Variants in CDK14 observed in about 807,000 individuals in gnomAD.
CDK14 encodes cyclin dependent kinase 14.
A neutral mutation model predicts 60.7 loss-of-function variants in CDK14; 34 were observed. The observed-to-expected ratio is 0.56, with a 90% CI of 0.43 to 0.75. The LOEUF (loss-of-function observed/expected upper bound fraction) is 0.75, where lower values mean the gene tolerates loss of function less well. Ranked by LOEUF, CDK14 falls within the 30% of genes least tolerant of loss-of-function variation. The pLI, the probability that CDK14 is intolerant of heterozygous loss-of-function variation, is 0.00. For missense variants in CDK14, 482 were observed against 564.1 expected (o/e 0.85, Z 1.47); for synonymous variants, 197 against 203.7 (o/e 0.97, Z 0.28).
At chr7:90,734,665 C>G (rs979612616) in intron 3 of CDK14, among the ~76,000 whole-genome samples, 3 of 152,090 alleles carry the variant, frequency 2.0e-5, no homozygotes, top group African/African-American at 7.2e-5. Context: ...TCCATTAGTT[C>G]ATTTATATTC....
At chr7:90,648,222 G>T (rs1023162159) in intron 2 of CDK14, among the ~76,000 whole-genome samples, 1 of 152,052 alleles carries the variant, frequency 6.6e-6, no homozygotes, top group Non-Finnish European at 1.5e-5. Context: ...TGGGCCATGT[G>T]GTTCTGCTTG....
chr7:91,094,868 C>T lies in CDK14; in HGVS notation c.1154+15388C>T, dbSNP rs529001273. ...CACCCAACCCCACATCCACAACCCA[C>T]TTCTTCATAAACACCAATACTGGTG... On this transcript the variant is annotated intron_variant, in intron 12 of 14. Transcript: ENST00000380050. Among the ~76,000 whole-genome samples, 11 of 152,342 alleles carry T rather than the reference C, an allele frequency of 7.2e-5. No homozygotes were observed. In the South Asian group the frequency reaches 2.3e-3, roughly 32 times the overall value.
chr7:90,760,426 A>G (rs550227075), intron 4 of CDK14, among the ~76,000 whole-genome samples: 32 of 152,342 alleles, frequency 2.1e-4, no homozygotes, highest in African/African-American at 5.8e-4. Context: ...TGAAGCTGCA[A>G]TCTTAAGTGT....
At chr7:90,800,513 T>G (rs1428091634) in intron 5 of CDK14, among the ~76,000 whole-genome samples, 1 of 152,206 alleles carries the variant, frequency 6.6e-6, no homozygotes, top group African/African-American at 2.4e-5. Context: ...TGACTGATAC[T>G]TGATTCTCTA....
intron 6 of CDK14, 137 bp from the exon 7 acceptor site, chr7:90,899,154 A>G: frequency 5.1e-6 from 3 of 583,596 alleles, no homozygotes; most frequent in South Asian, 2.5e-5. Flanking sequence ...GCATGCCACT[A>G]CATACACTGA....
chr7:90,858,716 A>G (rs1214002924), intron 5 of CDK14, among the ~76,000 whole-genome samples: 1 of 152,144 alleles, frequency 6.6e-6, no homozygotes, highest in Non-Finnish European at 1.5e-5. Context: ...GTTTGAAATA[A>G]TGATCTCTGA....
chr7:90,624,338 ATTTC>A (rs1299185079), intron 2 of CDK14, among the ~76,000 whole-genome samples: 1 of 152,170 alleles, frequency 6.6e-6, no homozygotes, highest in Non-Finnish European at 1.5e-5. Context: ...AAAGGTAGTT[ATTTC>A]TTCTATTTCA....
At chr7:90,946,080 A>C (rs1794090240) in intron 8 of CDK14, among the ~76,000 whole-genome samples, 1 of 152,184 alleles carries the variant, frequency 6.6e-6, no homozygotes, top group African/African-American at 2.4e-5. Context: ...GAGTGGAGGC[A>C]GAATGAACAG....
intron 12 of CDK14, among the ~76,000 whole-genome samples, chr7:91,106,386 C>A (rs1799296280): frequency 6.6e-6 from 1 of 152,122 alleles, no homozygotes; most frequent in East Asian, 1.9e-4. Flanking sequence ...AATTTACCAT[C>A]AAATGATGCT....
At chr7:90,947,299 T>C (rs1794129378) in intron 8 of CDK14, among the ~76,000 whole-genome samples, 1 of 152,180 alleles carries the variant, frequency 6.6e-6, no homozygotes, top group African/African-American at 2.4e-5. Context: ...GGACTTTGGA[T>C]CTGCTGGTCT....
At chr7:90,731,283 G>T (rs767228610) in intron 3 of CDK14, among the ~76,000 whole-genome samples, 178 of 152,284 alleles carry the variant, frequency 1.2e-3, no homozygotes, top group Non-Finnish European at 2.6e-4. Context: ...AAGTCAGGTA[G>T]TGTGATGCCT....
At chr7:90,663,354 G>T (rs555186268) in intron 2 of CDK14, among the ~76,000 whole-genome samples, 4 of 152,114 alleles carry the variant, frequency 2.6e-5, no homozygotes, top group African/African-American at 7.2e-5. Context: ...GGAGGGTGTC[G>T]TAGATACTTA....
intron 3 of CDK14, among the ~76,000 whole-genome samples, chr7:90,740,165 C>T (rs532011981): frequency 1.2e-3 from 175 of 151,232 alleles, no homozygotes; most frequent in Non-Finnish European, 1.8e-3. Context: ...CTCCTCCCTT[C>T]TTCTCCTCCG....
chr7:90,753,087 T>C (rs1803912325), intron 4 of CDK14, among the ~76,000 whole-genome samples: 1 of 152,178 alleles, frequency 6.6e-6, no homozygotes, highest in South Asian at 2.1e-4. Flanking sequence ...GTATCAATTC[T>C]ACTGAAACTA....
At chr7:90,729,358 T>TTTTTTTTTTG (rs1802768871) in intron 3 of CDK14, among the ~76,000 whole-genome samples, 1 of 132,514 alleles carries the variant, frequency 7.5e-6, no homozygotes, top group Admixed American at 7.7e-5. Context: ...TTTTTTTTTT[T>TTTTTTTTTTG]TTTTTTTTTT....
At chr7:90,831,064 C>A (rs766182740) in intron 5 of CDK14, among the ~76,000 whole-genome samples, 1 of 152,198 alleles carries the variant, frequency 6.6e-6, no homozygotes, top group Non-Finnish European at 1.5e-5. Context: ...ACTGTTTCAG[C>A]CTCTGTCCAT....
At chr7:90,954,632 T>A (rs111916677) in intron 8 of CDK14, among the ~76,000 whole-genome samples, 5 of 2,396 alleles carry the variant, frequency 2.1e-3, no homozygotes, top group Non-Finnish European at 9.6e-3. Flanking sequence ...TTTTTTTTTT[T>A]TTTTTTTTTT....
At chr7:91,180,236 A>G (rs926061681) in intron 14 of CDK14, among the ~76,000 whole-genome samples, 1 of 152,224 alleles carries the variant, frequency 6.6e-6, no homozygotes, top group African/African-American at 2.4e-5. Context: ...ATGCTTTGCT[A>G]GGGATACAAA....
chr7:91,073,789 T>TA (rs58948486), intron 11 of CDK14, among the ~76,000 whole-genome samples: 150,858 of 151,042 alleles, frequency 1, 75,337 homozygotes, highest in Middle Eastern at 1. Flanking sequence ...TGGGCCAAAA[T>TA]AAGGGATGGA....
Sources: gnomAD v4.1 joint callset for allele counts (sites outside exome capture counted in the v4.1 genomes callset) on GRCh38, gnomAD v4.1.1 for gene constraint, MANE v1.5 for transcripts, NCBI Gene and HGNC (gene_info 2026-07-23, HGNC 2026-07-21) for gene names.